STAU2: variants seen among roughly 807,000 people sequenced by gnomAD.
STAU2 encodes the protein double-stranded RNA-binding protein Staufen homolog 2.
Under a neutral mutation model 65.9 loss-of-function variants are expected in STAU2, and 20 were observed. The ratio of observed to expected loss-of-function variants is 0.30; its 90% CI spans 0.21 to 0.44. The LOEUF is 0.44. Ranked by LOEUF, STAU2 falls within the 20% of genes least tolerant of loss-of-function variation. STAU2 has a pLI of 1.00. For synonymous variants in STAU2, 232 were observed against 233.9 expected, an observed-to-expected ratio of 0.99 and a Z score of 0.07; for missense variants, 558 against 683.9, an observed-to-expected ratio of 0.82 and a Z score of 2.05.
At chr8:73,645,713 T>C (rs574486678) in intron 6 of STAU2, among the ~76,000 whole-genome samples, 30 of 152,274 alleles carry the variant, frequency 2.0e-4, no homozygotes, top group Non-Finnish European at 3.8e-4. Flanking sequence ...ACAGGGAGCA[T>C]TGAGGCTTCT....
At position 73,603,764 on chromosome 8, in the gene STAU2, C is replaced by G. The variant is rs1353147095; in HGVS notation, c.991G>C (p.Glu331Gln). 6.2e-7 allele frequency: 1 copy of G among 1,611,640 alleles called. No homozygotes were observed. The highest frequency in any genetic ancestry group is 8.5e-7 in the Non-Finnish European group (1 of 1,179,828). The change falls in exon 10 of 15, where the codon GAA becomes CAA. Residue 331 changes from glutamate to glutamine, a missense_variant. By Grantham distance (29) the Glu-to-Gln change is conservative. This residue lies in a region of STAU2 where 199 missense variants were observed against 299.5 expected (regional missense o/e 0.66). Coordinates refer to ENST00000524300, the MANE Select transcript of STAU2 (RefSeq NM_001164380.2). ...EKEPDYVLLSERGMPRRREFV... is the reference protein window; with the variant it reads ...EKEPDYVLLSQRGMPRRREFV... ...TCTCGACGTCGAGGCATTCCTCTTT[C>G]TGAAAGCAAAACATAATCCGGCTCC... is the stretch of plus-strand genomic sequence containing the variant.
intron 6 of STAU2, among the ~76,000 whole-genome samples, chr8:73,644,890 A>G (rs900833520): frequency 2.5e-4 from 38 of 152,320 alleles, no homozygotes; most frequent in African/African-American, 7.9e-4. Flanking sequence ...CTTACCCAAT[A>G]TGAAGATGAC....
intron 13 of STAU2, among the ~76,000 whole-genome samples, chr8:73,517,885 A>G (rs143245568): frequency 3.3e-5 from 5 of 152,324 alleles, no homozygotes; most frequent in Admixed American, 3.3e-4. Context: ...TGCTGTTCTA[A>G]GCATATATGA....
intron 12 of STAU2, among the ~76,000 whole-genome samples, chr8:73,566,635 C>A (rs1279044859): frequency 6.6e-6 from 1 of 152,072 alleles, no homozygotes; most frequent in South Asian, 2.1e-4. Context: ...ACTGCAGAGA[C>A]CCTGGAGTCA....
rs1173761437 is a variant in STAU2 at position 73,613,752 on chromosome 8, T to C, written c.883A>G (p.Ile295Val). ...KLFFKKRPKT[I>V]VKAGPEYGQG... ...CACAAATATAAACTTACCTTTACTA[T>C]TGTTTTAGGGCGTTTTTTAAAAAAT... Residue 295 changes from isoleucine to valine, a missense_variant, in exon 9 of 15, where the codon ATA (isoleucine) becomes GTA (valine). By Grantham distance (29) the Ile-to-Val change is conservative. This residue lies in a region of STAU2 where 199 missense variants were observed against 299.5 expected (regional missense o/e 0.66). Transcript: ENST00000524300. 6.2e-6 allele frequency: 10 copies of C among 1,607,012 alleles called. No homozygotes were observed. Among genetic ancestry groups the C allele is most frequent in the Non-Finnish European group, 8.5e-6 (10 of 1,178,286 alleles).
At chr8:73,525,709 T>C (rs4237006) in intron 13 of STAU2, among the ~76,000 whole-genome samples, 133,953 of 152,266 alleles carry the variant, frequency 0.88, 59,148 homozygotes, top group East Asian at 0.92. Context: ...CTGATGTGCT[T>C]TTTCATTTCT....
chr8:73,471,949 C>T (rs192045833), intron 13 of STAU2, among the ~76,000 whole-genome samples: 1 of 152,002 alleles, frequency 6.6e-6, no homozygotes, highest in African/African-American at 2.4e-5. Context: ...TACGACAGAA[C>T]CAGTGGAAGA....
At chr8:73,636,552 T>C (rs1019381537) in intron 6 of STAU2, among the ~76,000 whole-genome samples, 1 of 151,954 alleles carries the variant, frequency 6.6e-6, no homozygotes, top group African/African-American at 2.4e-5. Flanking sequence ...TACCCTGAAA[T>C]GACCGAGATG....
At chr8:73,422,070 G>A (rs940909147) in intron 14 of STAU2, among the ~76,000 whole-genome samples, 1 of 151,788 alleles carries the variant, frequency 6.6e-6, no homozygotes, top group African/African-American at 2.4e-5. Flanking sequence ...CTGGATTTCA[G>A]AAATAATTAC....
chr8:73,545,183 C>T (rs1186124640), intron 13 of STAU2, among the ~76,000 whole-genome samples: 1 of 152,144 alleles, frequency 6.6e-6, no homozygotes, highest in African/African-American at 2.4e-5. Context: ...CTATCTTTCC[C>T]TTAGTAAGAG....
intron 4 of STAU2, among the ~76,000 whole-genome samples, chr8:73,694,555 C>T (rs989543441): frequency 6.6e-6 from 1 of 152,080 alleles, no homozygotes; most frequent in Non-Finnish European, 1.5e-5. Context: ...GATGGTGGAA[C>T]AAAAGCCTAT....
chr8:73,688,881 G>A (rs763271359), intron 4 of STAU2, 68 bp from the exon 5 acceptor site: 7 of 1,559,544 alleles, frequency 4.5e-6, no homozygotes, highest in Middle Eastern at 2.2e-4. Flanking sequence ...GGCTGTCTGA[G>A]AGAAAAATAA....
At chr8:73,729,461 T>C (rs1805891489) in intron 3 of STAU2, among the ~76,000 whole-genome samples, 1 of 152,224 alleles carries the variant, frequency 6.6e-6, no homozygotes, top group African/African-American at 2.4e-5. Context: ...CTCTCCAATT[T>C]TTTGGAAGAG....
intron 13 of STAU2, among the ~76,000 whole-genome samples, chr8:73,446,469 G>A (rs930494888): frequency 6.6e-6 from 1 of 152,192 alleles, no homozygotes; most frequent in Admixed American, 6.5e-5. Flanking sequence ...CTGTCCTACA[G>A]GTCAGTGAGA....
rs916426618 is a variant in STAU2, at chr8:73,464,866, G to T, written c.1531-42164C>A. Among the ~76,000 whole-genome samples the T allele has an allele frequency of 3.9e-5, 6 of 152,296 alleles. No individual in the cohort carries two copies. In the South Asian group the frequency reaches 1.2e-3, roughly 32 times the overall value. On this transcript the variant is annotated intron_variant, in intron 13 of 14. Transcript: ENST00000524300. Reference sequence around the variant, plus strand: ...AACGATCTCTTTCAGAGTGATTAAAGATCTACTCTTTGTAAGCAATTTCAG... The same window carrying T: ...AACGATCTCTTTCAGAGTGATTAAATATCTACTCTTTGTAAGCAATTTCAG...
intron 13 of STAU2, among the ~76,000 whole-genome samples, chr8:73,446,681 C>T (rs1420710548): frequency 6.6e-6 from 1 of 152,034 alleles, no homozygotes; most frequent in Non-Finnish European, 1.5e-5. Context: ...CACTGTGTTG[C>T]CCAGGCTAGT....
chr8:73,474,489 T>C (rs1408902448), intron 13 of STAU2, among the ~76,000 whole-genome samples: 5 of 152,150 alleles, frequency 3.3e-5, no homozygotes, highest in African/African-American at 7.2e-5. Flanking sequence ...CACTTTCTAC[T>C]CACAATCCGC....
chr8:73,427,533 A>G (rs1380699988), intron 13 of STAU2, among the ~76,000 whole-genome samples: 2 of 152,254 alleles, frequency 1.3e-5, no homozygotes. Flanking sequence ...AAAGGAATTC[A>G]CAGAGGAATT....
intron 1 of STAU2, among the ~76,000 whole-genome samples, chr8:73,742,743 C>T (rs1051121329): frequency 6.6e-6 from 1 of 151,650 alleles, no homozygotes; most frequent in Non-Finnish European, 1.5e-5. Flanking sequence ...CTGGGGAAGA[C>T]GTGATGCTCA....
Sources: allele counts gnomAD v4.1 joint callset (sites outside exome capture counted in the v4.1 genomes callset), GRCh38; gene constraint gnomAD v4.1.1; regional missense constraint gnomAD v4.1.1; transcripts MANE v1.5; gene names NCBI Gene and HGNC (gene_info 2026-07-23, HGNC 2026-07-21).